Variants in MAST4 observed in about 807,000 individuals in gnomAD.
The protein encoded by MAST4 is microtubule-associated serine/threonine-protein kinase 4.
MAST4 carries 89 observed loss-of-function variants against 162.7 expected under a neutral mutation model. That is an observed-to-expected ratio of 0.55 (90% CI 0.46 to 0.65). The LOEUF (loss-of-function observed/expected upper bound fraction) is 0.65. MAST4 is among the 30% of genes least tolerant of loss of function. The probability of loss-of-function intolerance (pLI) is 0.00; values close to 1 mark genes in which losing one functional copy is unlikely to be tolerated. For synonymous variants in MAST4, 1,479 were observed against 1,361.1 expected (o/e 1.09, Z -1.91); for missense variants, 3,153 against 3,374.0 (o/e 0.93, Z 1.62).
intron 3 of MAST4, among the ~76,000 whole-genome samples, chr5:66,799,355 G>A (rs1439952898): frequency 2.0e-5 from 3 of 152,070 alleles, no homozygotes; most frequent in Admixed American, 1.3e-4. Context: ...CGGAACCAAA[G>A]CATTTATTAT....
rs553601804 is a variant in MAST4 at position 66,627,247 on chromosome 5, C to G, written c.363+30229C>G. ...AGCCATCAGATCTTGTGAGAACTCA[C>G]TCACTATCACGAGAAAGGCAGCATG... On this transcript the variant is annotated intron_variant, in intron 1 of 28. Coordinates refer to ENST00000403625, the MANE Select transcript of MAST4 (RefSeq NM_001164664.2). 4.6e-5 allele frequency among the ~76,000 whole-genome samples: 7 copies of G among 152,272 alleles called. No individual in the cohort carries two copies. The South Asian group carries it at 6.2e-4, about 14-fold the overall frequency.
chr5:66,942,570 G>C (rs1337588011), intron 4 of MAST4, among the ~76,000 whole-genome samples: 4 of 152,124 alleles, frequency 2.6e-5, no homozygotes, highest in Non-Finnish European at 4.4e-5. Context: ...AAATATCACT[G>C]TTGATGCTGA....
chr5:66,874,360 G>T (rs1375824697), intron 3 of MAST4, among the ~76,000 whole-genome samples: 1 of 152,022 alleles, frequency 6.6e-6, no homozygotes, highest in Non-Finnish European at 1.5e-5. Context: ...TGATCTGGTG[G>T]ACAGAAGGGA....
Position 67,002,078 on chromosome 5 carries a change from T to C in MAST4, c.675-52326T>C, listed in dbSNP as rs1329982883. On this transcript the variant is annotated intron_variant, in intron 4 of 28. Transcript: ENST00000403625. ...CAAGTGAGCACAAAAAGTTATTCTCTGGGCTTGCCTTTGAGGAGGGGACAT... is the reference window on the plus strand; with the variant it reads ...CAAGTGAGCACAAAAAGTTATTCTCCGGGCTTGCCTTTGAGGAGGGGACAT... The C allele has an allele frequency of 1.1e-4, 16 of 152,068 alleles. No individual in the cohort carries two copies. In the East Asian group the frequency reaches 3.1e-3, roughly 29 times the overall value. 9.4% of individuals were successfully genotyped at this position (152,068 alleles called of 1,614,324 possible). A position where few individuals can be genotyped will look rare whatever the true frequency, so the allele number is the denominator to read the frequency against.
chr5:66,663,580 A>G lies in MAST4; in HGVS notation c.363+66562A>G, dbSNP rs140523434. On this transcript the variant is annotated intron_variant, in intron 1 of 28. Transcript: ENST00000403625. ...ATGGATGTCAGGGGAAAGGGTGTTC[A>G]AGGCAGAGGCAAGAGAAGGTGCACA... Among the ~76,000 whole-genome samples the G allele has an allele frequency of 7.3e-4, 111 of 152,258 alleles. 1 individual carries two copies. Among genetic ancestry groups the G allele is most frequent in the African/African-American group, 2.6e-3 (109 of 41,558 alleles).
At chr5:67,078,911 A>AATAAATAAATATATATAT (rs1227485756) in intron 5 of MAST4, among the ~76,000 whole-genome samples, 4 of 38,104 alleles carry the variant, frequency 1.0e-4, no homozygotes, top group East Asian at 8.2e-4. Flanking sequence ...TTTTTATATA[A>AATAAATAAATATATATAT]ATATATATAT....
At chr5:67,136,489 G>A in intron 18 of MAST4, 74 bp from the exon 19 acceptor site, 1 of 1,106,562 alleles carries the variant, frequency 9.0e-7, no homozygotes, top group Non-Finnish European at 1.3e-6. Context: ...CAAATTCCCA[G>A]GTGATGTCCA....
intron 7 of MAST4, among the ~76,000 whole-genome samples, chr5:67,098,500 TAAG>T (rs1340591498): frequency 3.3e-5 from 5 of 152,218 alleles, no homozygotes; most frequent in Admixed American, 1.3e-4. Context: ...AGTACAGAAA[TAAG>T]AATATAAATA....
rs534407738 is a variant in MAST4 at position 66,917,114 on chromosome 5, A to C, written c.674+17132A>C. ...AATGCCCATTTTCTACATTCTCACC[A>C]GCACTGGATGTCACTGCCCTTAATT... On this transcript the variant is annotated intron_variant, in intron 4 of 28. Coordinates refer to ENST00000403625, the MANE Select transcript of MAST4 (RefSeq NM_001164664.2). 4 of 704,872 alleles carry C rather than the reference A, an allele frequency of 5.7e-6. No homozygotes were observed. In the South Asian group the frequency reaches 6.1e-5, roughly 11 times the overall value. 43.7% of individuals were successfully genotyped at this position (704,872 alleles called of 1,614,324 possible). A position where few individuals can be genotyped will look rare whatever the true frequency, so the allele number is the denominator to read the frequency against.
intron 1 of MAST4, among the ~76,000 whole-genome samples, chr5:66,614,631 CT>C: frequency 6.6e-6 from 1 of 152,300 alleles, no homozygotes; most frequent in East Asian, 1.9e-4. Flanking sequence ...ATTTAAGGGA[CT>C]TTCAATTTTC....
At chr5:66,851,042 G>A (rs1011276030) in intron 3 of MAST4, among the ~76,000 whole-genome samples, 5 of 150,504 alleles carry the variant, frequency 3.3e-5, no homozygotes, top group Admixed American at 2.7e-4. Flanking sequence ...ATTTACACTC[G>A]GTGCATGCCC....
intron 3 of MAST4, among the ~76,000 whole-genome samples, chr5:66,888,960 T>C (rs532152226): frequency 1.1e-4 from 17 of 152,346 alleles, no homozygotes; most frequent in African/African-American, 3.8e-4. Context: ...ACATTGAAGA[T>C]GTTTGCCACT....
intron 3 of MAST4, among the ~76,000 whole-genome samples, chr5:66,832,747 G>A (rs1757702282): frequency 6.6e-6 from 1 of 152,136 alleles, no homozygotes; most frequent in South Asian, 2.1e-4. Flanking sequence ...TTCATTTGAA[G>A]ACTCTGACTG....
At chr5:66,809,335 A>G (rs183811873) in intron 3 of MAST4, among the ~76,000 whole-genome samples, 11 of 152,326 alleles carry the variant, frequency 7.2e-5, no homozygotes, top group Admixed American at 2.0e-4. Flanking sequence ...GAGGAGCCTT[A>G]ATGGTCACCC....
intron 1 of MAST4, among the ~76,000 whole-genome samples, chr5:66,645,001 G>T (rs962776749): frequency 2.0e-5 from 3 of 151,892 alleles, no homozygotes; most frequent in Admixed American, 6.6e-5. Flanking sequence ...TGAGCTTCTT[G>T]TGGGGTGGGG....
At chr5:66,782,041 C>T (rs1347584912) in intron 2 of MAST4, among the ~76,000 whole-genome samples, 1 of 152,120 alleles carries the variant, frequency 6.6e-6, no homozygotes, top group Non-Finnish European at 1.5e-5. Flanking sequence ...ACACTCCCAG[C>T]ACTTTGGGAG....
chr5:67,070,989 C>T lies in MAST4; in HGVS notation c.763+16497C>T, dbSNP rs147278632. Among the ~76,000 whole-genome samples the T allele has an allele frequency of 3.8e-3, 578 of 152,264 alleles. 3 individuals carry two copies. The highest frequency in any genetic ancestry group is 0.013 in the African/African-American group (552 of 41,534). On this transcript the variant is annotated intron_variant, in intron 5 of 28. Coordinates refer to ENST00000403625, the MANE Select transcript of MAST4 (RefSeq NM_001164664.2). ...TAGGAAATTTAAGAAACTATACTTT[C>T]CAGTATTAAACATCCCACATCAGAT...
intron 4 of MAST4, among the ~76,000 whole-genome samples, chr5:66,909,247 C>T (rs1309532572): frequency 6.6e-6 from 1 of 152,108 alleles, no homozygotes; most frequent in Non-Finnish European, 1.5e-5. Flanking sequence ...AGGACACGAG[C>T]TCTCTATATT....
In MAST4 at chr5:67,091,616, A is replaced by G. The variant is rs570385896; in HGVS notation, c.833+1385A>G. On this transcript the variant is annotated intron_variant, in intron 6 of 28. Coordinates refer to ENST00000403625, the MANE Select transcript of MAST4 (RefSeq NM_001164664.2). ...ACTATAGTCTTTAAAACATATCTCT[A>G]TAAAGGGGAGAATGCATTTAATTAT... 5.3e-5 allele frequency among the ~76,000 whole-genome samples: 8 copies of G among 152,336 alleles called. No individual in the cohort carries two copies. In the East Asian group the frequency reaches 1.5e-3, roughly 29 times the overall value.
Sources: gnomAD v4.1 joint callset for allele counts (sites outside exome capture counted in the v4.1 genomes callset) on GRCh38, gnomAD v4.1.1 for gene constraint, MANE v1.5 for transcripts, NCBI Gene and HGNC (gene_info 2026-07-23, HGNC 2026-07-21) for gene names.